ARL6IP5: variants seen among roughly 807,000 people sequenced by gnomAD.
The protein encoded by ARL6IP5 is PRA1 family protein 3.
Under a neutral mutation model 13.0 loss-of-function variants are expected in ARL6IP5, and 6 were observed. The observed-to-expected ratio is 0.46, with a 90% CI of 0.25 to 0.91. ARL6IP5 has a LOEUF of 0.91. Among genes scored for constraint, ARL6IP5 ranks in the 40% least tolerant of loss-of-function variants. The pLI, the probability that ARL6IP5 is intolerant of heterozygous loss-of-function variation, is 0.17. For missense variants in ARL6IP5, 208 were observed against 248.8 expected (o/e 0.84, Z 1.10); for synonymous variants, 91 against 91.9 (o/e 0.99, Z 0.06).
chr3:69,094,781 T>C (rs763423026), intron 1 of ARL6IP5, among the ~76,000 whole-genome samples: 30 of 152,230 alleles, frequency 2.0e-4, no homozygotes, highest in Non-Finnish European at 3.5e-4. Flanking sequence ...AACTTTGCAA[T>C]TGGTGGCCTT....
rs1282626136 is a variant in ARL6IP5 at position 69,104,746 on chromosome 3, A to G, written c.*110A>G. The G allele has an allele frequency of 3.3e-6, 4 of 1,200,360 alleles. No individual in the cohort carries two copies. Among genetic ancestry groups the G allele is most frequent in the Admixed American group, 2.0e-5 (1 of 49,076 alleles). 74.4% of individuals were successfully genotyped at this position (1,200,360 alleles called of 1,614,324 possible). A position where few individuals can be genotyped will look rare whatever the true frequency, so the allele number is the denominator to read the frequency against. On this transcript the variant is annotated 3_prime_UTR_variant, in exon 3 of 3. Transcript: ENST00000273258. ...AAACAGGAGGTGCACGTACCACCCA[A>G]TTATCTATGGCAGCATGCATGTATA... is the stretch of plus-strand genomic sequence containing the variant.
Position 69,101,965 on chromosome 3 carries a change from C to T in ARL6IP5, c.303C>T (p.Phe101=), listed in dbSNP as rs753914980. 11 of 1,613,914 alleles carry T rather than the reference C, an allele frequency of 6.8e-6. No homozygotes were observed. The highest frequency in any genetic ancestry group is 4.4e-5 in the South Asian group (4 of 91,082). ...RRMKKRYPTT[F]VMVVMLASYF... ...TGAAGAAGCGCTACCCCACGACGTT[C>T]GTTATGGTGGTCATGTTGGCGAGCT... Residue 101 remains phenylalanine, a synonymous_variant, in exon 2 of 3, where the codon TTC becomes TTT. Transcript: ENST00000273258.
chr3:69,087,510 C>T (rs916699442), intron 1 of ARL6IP5, among the ~76,000 whole-genome samples: 18 of 151,766 alleles, frequency 1.2e-4, no homozygotes, highest in African/African-American at 4.1e-4. Context: ...TTTCTTCAGA[C>T]ATGTGTGCTG....
rs2092317331 is a variant in ARL6IP5 at position 69,104,756 on chromosome 3, G to A, written c.*120G>A. 4 of 1,134,492 alleles carry A rather than the reference G, an allele frequency of 3.5e-6. No homozygotes were observed. In the South Asian group the frequency reaches 5.3e-5, roughly 15 times the overall value. The allele number at this position is 1,134,492 out of a possible 1,614,324, so 70.3% of individuals were successfully genotyped here. A position where few individuals can be genotyped will look rare whatever the true frequency, so the allele number is the denominator to read the frequency against. ...TGCACGTACCACCCAATTATCTATGGCAGCATGCATGTATAGGCCGAACTA... is the reference window on the plus strand; with the variant it reads ...TGCACGTACCACCCAATTATCTATGACAGCATGCATGTATAGGCCGAACTA... On this transcript the variant is annotated 3_prime_UTR_variant, in exon 3 of 3. Coordinates refer to ENST00000273258, the MANE Select transcript of ARL6IP5 (RefSeq NM_006407.4).
chr3:69,093,335 G>C (rs1486708755), intron 1 of ARL6IP5, among the ~76,000 whole-genome samples: 3 of 152,112 alleles, frequency 2.0e-5, no homozygotes, highest in Non-Finnish European at 4.4e-5. Context: ...AATTCAGTTG[G>C]TTAGGAAAAT....
At chr3:69,094,244 C>A (rs947134216) in intron 1 of ARL6IP5, among the ~76,000 whole-genome samples, 6 of 152,126 alleles carry the variant, frequency 3.9e-5, no homozygotes, top group African/African-American at 1.4e-4. Context: ...TTCTTCCTCT[C>A]CTAGCAGTTA....
intron 1 of ARL6IP5, chr3:69,099,851 T>G (rs1358415616): frequency 3.9e-5 from 6 of 152,722 alleles, no homozygotes. Flanking sequence ...ACCACAGACG[T>G]CTTGTTAAGG....
intron 1 of ARL6IP5, among the ~76,000 whole-genome samples, chr3:69,101,271 C>A (rs937247793): frequency 1.4e-5 from 2 of 146,298 alleles, no homozygotes; most frequent in Admixed American, 6.9e-5. Flanking sequence ...GGACCTCTAA[C>A]GAGATACTTT....
chr3:69,104,146 T>C (rs1239228274), intron 2 of ARL6IP5, among the ~76,000 whole-genome samples: 1 of 152,212 alleles, frequency 6.6e-6, no homozygotes, highest in African/African-American at 2.4e-5. Flanking sequence ...TGATTCACTC[T>C]GAATTTCAGG....
intron 1 of ARL6IP5, among the ~76,000 whole-genome samples, chr3:69,091,522 C>G (rs1024788323): frequency 6.6e-6 from 1 of 152,016 alleles, no homozygotes; most frequent in Admixed American, 6.6e-5. Flanking sequence ...GTTTCGAACT[C>G]CTGGGCTCAA....
intron 1 of ARL6IP5, among the ~76,000 whole-genome samples, chr3:69,098,830 A>G (rs76623141): frequency 0.031 from 4,707 of 152,280 alleles, 101 homozygotes; most frequent in African/African-American, 0.049. Flanking sequence ...ATGTTTTAAA[A>G]ATAGCTGTGT....
In ARL6IP5 at chr3:69,106,034, C is replaced by T. The variant is rs533429361; in HGVS notation, c.*1398C>T. ...ACATGGTCTAGAATCTGTACCCTTA[C>T]CCACATATGAAGAATAAAATTGATT... On this transcript the variant is annotated 3_prime_UTR_variant, in exon 3 of 3. Transcript: ENST00000273258. 6.6e-6 allele frequency: 1 copy of T among 152,296 alleles called. No homozygotes were observed. Among genetic ancestry groups the T allele is most frequent in the African/African-American group, 2.4e-5 (1 of 41,554 alleles). The allele number at this position is 152,296 out of a possible 1,614,324, so 9.4% of individuals were successfully genotyped here.
At chr3:69,090,937 C>T (rs1426453228) in intron 1 of ARL6IP5, among the ~76,000 whole-genome samples, 2 of 152,234 alleles carry the variant, frequency 1.3e-5, no homozygotes, top group Non-Finnish European at 2.9e-5. Flanking sequence ...TGGCTCACGC[C>T]TGTGATCCCA....
chr3:69,104,937 G>A lies in ARL6IP5; in HGVS notation c.*301G>A, dbSNP rs1203982327. Reference sequence around the variant, plus strand: ...GAATTAAAAAAAATAAAAGAATTACGGCTTTTACAGCAACAATACGATTAT... The same window carrying A: ...GAATTAAAAAAAATAAAAGAATTACAGCTTTTACAGCAACAATACGATTAT... On this transcript the variant is annotated 3_prime_UTR_variant, in exon 3 of 3. Coordinates refer to ENST00000273258, the MANE Select transcript of ARL6IP5 (RefSeq NM_006407.4). 4.3e-6 allele frequency: 3 copies of A among 690,928 alleles called. No homozygotes were observed. Among genetic ancestry groups the A allele is most frequent in the Non-Finnish European group, 7.9e-6 (3 of 381,660 alleles). The allele number at this position is 690,928 out of a possible 1,614,324, so 42.8% of individuals were successfully genotyped here. A position where few individuals can be genotyped will look rare whatever the true frequency, so the allele number is the denominator to read the frequency against.
At position 69,105,006 on chromosome 3, in the gene ARL6IP5, G is replaced by C. The variant is rs1802402; in HGVS notation, c.*370G>C. ...TCATTGTAAAGTATCAAGACAATAC[G>C]AGTAAATGAAAAGGCTGTTAAAGTA... On this transcript the variant is annotated 3_prime_UTR_variant, in exon 3 of 3. Transcript: ENST00000273258. The C allele has an allele frequency of 3.1e-6, 2 of 637,458 alleles. No individual in the cohort carries two copies. Among genetic ancestry groups the C allele is most frequent in the Non-Finnish European group, 5.6e-6 (2 of 359,642 alleles). The allele number at this position is 637,458 out of a possible 1,614,324, so 39.5% of individuals were successfully genotyped here.
At chr3:69,091,440 A>G (rs2092265537) in intron 1 of ARL6IP5, among the ~76,000 whole-genome samples, 1 of 151,632 alleles carries the variant, frequency 6.6e-6, no homozygotes, top group South Asian at 2.1e-4. Context: ...GACTATAGGC[A>G]TGTGCCACCA....
At chr3:69,100,771 ACT>A (rs1443879204) in intron 1 of ARL6IP5, among the ~76,000 whole-genome samples, 2 of 150,064 alleles carry the variant, frequency 1.3e-5, no homozygotes, top group African/African-American at 2.5e-5. Flanking sequence ...ACAGAGCAAG[ACT>A]CTGTCTCAAA....
At chr3:69,102,983 TA>T (rs2092310948) in intron 2 of ARL6IP5, among the ~76,000 whole-genome samples, 1 of 152,224 alleles carries the variant, frequency 6.6e-6, no homozygotes, top group Non-Finnish European at 1.5e-5. Context: ...AAAATTCTAG[TA>T]TATTAAGTGA....
chr3:69,091,654 CTTTTTTTTTTTT>C (rs529198443), intron 1 of ARL6IP5, among the ~76,000 whole-genome samples: 1 of 105,756 alleles, frequency 9.5e-6, no homozygotes, highest in South Asian at 3.3e-4. Context: ...CTCCGTCCAG[CTTTTTTTTTTTT>C]TTTTTTTTCA....
Sources: allele counts gnomAD v4.1 joint callset (sites outside exome capture counted in the v4.1 genomes callset), GRCh38; gene constraint gnomAD v4.1.1; transcripts MANE v1.5; gene names NCBI Gene and HGNC (gene_info 2026-07-23, HGNC 2026-07-21).